Variants in GABRA3 observed in about 807,000 individuals in gnomAD.
GABRA3 encodes the protein gamma-aminobutyric acid type A receptor subunit alpha3.
Under a neutral mutation model 30.1 loss-of-function variants are expected in GABRA3, and 10 were observed. The observed-to-expected ratio is 0.33, with a 90% CI of 0.20 to 0.56. GABRA3 has a LOEUF of 0.56. GABRA3 is among the 20% of genes least tolerant of loss of function. The pLI is 0.89. For synonymous variants in GABRA3, 151 were observed against 146.8 expected (o/e 1.03, Z -0.21); for missense variants, 233 against 392.0 (o/e 0.59, Z 3.42).
chrX:152,232,922 A>C (rs148758565), intron 5 of GABRA3, among the ~76,000 whole-genome samples: 2,662 of 110,816 alleles, frequency 0.024, 43 homozygotes, highest in Middle Eastern at 0.069. Flanking sequence ...TGCTAATTCA[A>C]ATTCCCAACT....
At chrX:152,386,172 AT>A (rs1259236718) in intron 1 of GABRA3, among the ~76,000 whole-genome samples, 1 of 107,423 alleles carries the variant, frequency 9.3e-6, no homozygotes, top group Non-Finnish European at 1.9e-5. Flanking sequence ...GAATCTATAA[AT>A]TACCTTGGGC....
intron 9 of GABRA3, among the ~76,000 whole-genome samples, chrX:152,189,424 A>G (rs2124346688): frequency 8.9e-6 from 1 of 112,087 alleles, no homozygotes; most frequent in East Asian, 2.8e-4. Flanking sequence ...TCTGGGTTGA[A>G]GATAGAGTCC....
chrX:152,225,321 A>T (rs936780714), intron 5 of GABRA3, among the ~76,000 whole-genome samples: 1 of 110,122 alleles, frequency 9.1e-6, no homozygotes, highest in African/African-American at 3.3e-5. Flanking sequence ...AAAAAACATA[A>T]TTCTGCTGCT....
chrX:152,367,040 A>G (rs1928677923), intron 1 of GABRA3, among the ~76,000 whole-genome samples: 1 of 111,232 alleles, frequency 9.0e-6, no homozygotes, highest in African/African-American at 3.3e-5. Flanking sequence ...TAGTGTACGA[A>G]CACACAAATA....
At chrX:152,224,922 T>C (rs1937910224) in intron 5 of GABRA3, 77 bp from the exon 6 acceptor site, 1 of 672,261 alleles carries the variant, frequency 1.5e-6, no homozygotes. Context: ...TCCCACTCAG[T>C]TCCTAAGAAT....
chrX:152,186,830 C>T (rs1937262298), intron 9 of GABRA3: 1 of 110,799 alleles, frequency 9.0e-6, no homozygotes, highest in South Asian at 3.8e-4. Flanking sequence ...ACCATGTTGC[C>T]CAGGCTGGTC....
intron 1 of GABRA3, among the ~76,000 whole-genome samples, chrX:152,421,448 C>CTA (rs1930371423): frequency 9.0e-6 from 1 of 110,826 alleles, no homozygotes; most frequent in African/African-American, 3.3e-5. Context: ...TAGAGGATAA[C>CTA]ATAGGATAAT....
chrX:152,303,829 G>T (rs1004559410), intron 3 of GABRA3, among the ~76,000 whole-genome samples: 1 of 110,309 alleles, frequency 9.1e-6, no homozygotes, highest in Non-Finnish European at 1.9e-5. Context: ...GGGCCAACGG[G>T]GGGAGAGCAT....
chrX:152,350,879 T>C (rs942915028), intron 2 of GABRA3, among the ~76,000 whole-genome samples: 1 of 112,294 alleles, frequency 8.9e-6, no homozygotes, highest in African/African-American at 3.2e-5. Flanking sequence ...GGATGTTGTA[T>C]TGTAAGGATG....
At chrX:152,406,280 G>C (rs1363242273) in intron 1 of GABRA3, among the ~76,000 whole-genome samples, 3 of 110,446 alleles carry the variant, frequency 2.7e-5, no homozygotes, top group African/African-American at 9.9e-5. Context: ...AAAAGATATG[G>C]AATGGCTGAA....
chrX:152,182,656 ATATAGTGTATATATACACTATATATACAC>A (rs1937186811), intron 9 of GABRA3, among the ~76,000 whole-genome samples: 1 of 84,061 alleles, frequency 1.2e-5, no homozygotes, highest in Non-Finnish European at 2.2e-5. Flanking sequence ...ATATATACAT[ATATAGTGTATATATACACTATATATACAC>A]TATATATGTA....
intron 2 of GABRA3, among the ~76,000 whole-genome samples, chrX:152,356,688 C>T (rs1259534913): frequency 9.0e-6 from 1 of 111,002 alleles, no homozygotes; most frequent in Non-Finnish European, 1.9e-5. Flanking sequence ...TATTTCGTCA[C>T]CCAGGTAATA....
chrX:152,288,992 A>G (rs1446515380), intron 3 of GABRA3, among the ~76,000 whole-genome samples: 1 of 109,789 alleles, frequency 9.1e-6, no homozygotes, highest in African/African-American at 3.3e-5. Flanking sequence ...GTCTGCACAT[A>G]TATGCATAAC....
chrX:152,403,905 A>C (rs183519213), intron 1 of GABRA3, among the ~76,000 whole-genome samples: 118 of 111,608 alleles, frequency 1.1e-3, no homozygotes, highest in African/African-American at 3.4e-3. Context: ...AGAAGAGCCA[A>C]GAAATGAGTC....
intron 2 of GABRA3, among the ~76,000 whole-genome samples, chrX:152,359,848 G>C (rs1001962188): frequency 9.0e-6 from 1 of 111,527 alleles, no homozygotes; most frequent in African/African-American, 3.3e-5. Context: ...TAATATTTGG[G>C]CCATGCTTTT....
chrX:152,202,920 G>C (rs1937503644), intron 7 of GABRA3, among the ~76,000 whole-genome samples: 1 of 112,442 alleles, frequency 8.9e-6, no homozygotes, highest in African/African-American at 3.2e-5. Context: ...TCAAGTACCA[G>C]TGAAGACAGT....
In GABRA3 at chrX:152,398,738, A is replaced by G. The variant is rs763022988; in HGVS notation, c.-26-34142T>C. 7.1e-5 allele frequency among the ~76,000 whole-genome samples: 8 copies of G among 112,053 alleles called. No individual in the cohort carries two copies. In the East Asian group the frequency reaches 1.1e-3, roughly 16 times the overall value. ...GAAAATACCAAGTTTGTGATTGCAC[A>G]TACCAATAAATAAATACATTTGCTC... On this transcript the variant is annotated intron_variant, in intron 1 of 9. Coordinates refer to ENST00000370314, the MANE Select transcript of GABRA3 (RefSeq NM_000808.4).
chrX:152,374,150 T>C (rs111276224), intron 1 of GABRA3, among the ~76,000 whole-genome samples: 2,461 of 109,570 alleles, frequency 0.022, 35 homozygotes, highest in South Asian at 0.064. Flanking sequence ...TTTAATGGGG[T>C]TTTTTGCTTG....
chrX:152,189,382 A>T (rs1208430702), intron 9 of GABRA3, among the ~76,000 whole-genome samples: 4 of 111,912 alleles, frequency 3.6e-5, no homozygotes, highest in African/African-American at 1.3e-4. Flanking sequence ...ATATACTGGG[A>T]AGAGGGGCAG....
Sources: allele counts gnomAD v4.1 joint callset (sites outside exome capture counted in the v4.1 genomes callset), GRCh38; gene constraint gnomAD v4.1.1; transcripts MANE v1.5; gene names NCBI Gene and HGNC (gene_info 2026-07-23, HGNC 2026-07-21).